TBC1D1: variants seen among roughly 807,000 people sequenced by gnomAD.
TBC1D1 encodes the protein TBC1 (tre-2/USP6, BUB2, cdc16) domain family, member 1.
A neutral mutation model predicts 125.6 loss-of-function variants in TBC1D1; 89 were observed. That is an observed-to-expected ratio of 0.71 (90% CI 0.60 to 0.85). TBC1D1 has a LOEUF of 0.85. Among genes scored for constraint, TBC1D1 ranks in the 40% least tolerant of loss-of-function variants. TBC1D1 has a pLI of 0.00. For missense variants in TBC1D1, 1,377 were observed against 1,469.2 expected (o/e 0.94, Z 1.03); for synonymous variants, 565 against 564.1 (o/e 1.00, Z -0.02).
chr4:37,926,001 A>G (rs948226946), intron 2 of TBC1D1, among the ~76,000 whole-genome samples: 6 of 152,206 alleles, frequency 3.9e-5, no homozygotes, highest in African/African-American at 1.4e-4. Flanking sequence ...TTTGAAGGAC[A>G]TTTATCCTAC....
chr4:37,933,021 C>T (rs759770841), intron 2 of TBC1D1, among the ~76,000 whole-genome samples: 3 of 150,888 alleles, frequency 2.0e-5, no homozygotes, highest in Non-Finnish European at 4.4e-5. Flanking sequence ...TGTGCCACTC[C>T]AGCCTGGGTG....
chr4:38,000,694 T>G (rs1738871346), intron 2 of TBC1D1, among the ~76,000 whole-genome samples: 1 of 152,190 alleles, frequency 6.6e-6, no homozygotes, highest in Admixed American at 6.5e-5. Context: ...AGTTCTCTGA[T>G]TCTCTGGTCA....
chr4:38,001,076 C>T (rs1738962690), intron 2 of TBC1D1, among the ~76,000 whole-genome samples: 2 of 151,956 alleles, frequency 1.3e-5, no homozygotes, highest in Admixed American at 6.6e-5. Flanking sequence ...AAAAGTTAGC[C>T]GGGCATGGTG....
At chr4:38,035,360 C>G (rs528189202) in intron 7 of TBC1D1, among the ~76,000 whole-genome samples, 2 of 152,274 alleles carry the variant, frequency 1.3e-5, no homozygotes, top group East Asian at 3.9e-4. Context: ...ATTAAAGATT[C>G]ATTTTTAGAT....
intron 2 of TBC1D1, among the ~76,000 whole-genome samples, chr4:37,919,348 T>G (rs1361402884): frequency 2.6e-5 from 4 of 151,338 alleles, no homozygotes; most frequent in Admixed American, 6.6e-5. Context: ...TTGTTTTTTT[T>G]TTTTTTTGGT....
At position 37,902,510 on chromosome 4, in the gene TBC1D1, AAAGT is replaced by A. The variant is rs748346646; in HGVS notation, c.417+3_417+6del. On this transcript the variant is annotated splice_donor_variant and coding_sequence_variant, in exon 2 of 20. Transcript: ENST00000261439. LOFTEE classifies it high-confidence loss of function. ...TGTGTTCAAAGCCGATGATCAAACA[AAAGT>A]AAGTGAGATGGAGATCCAAAAGACT... The A allele has an allele frequency of 2.5e-6, 4 of 1,588,278 alleles. 1 individual carries two copies. The highest frequency in any genetic ancestry group is 2.3e-5 in the South Asian group (2 of 87,624).
chr4:38,090,439 C>CTG (rs745565259), intron 13 of TBC1D1, among the ~76,000 whole-genome samples: 1 of 151,166 alleles, frequency 6.6e-6, no homozygotes, highest in Non-Finnish European at 1.5e-5. Flanking sequence ...TCCCCTCTGT[C>CTG]TCTCTCTCTC....
intron 17 of TBC1D1, among the ~76,000 whole-genome samples, chr4:38,124,477 A>T (rs637797): frequency 0.7 from 106,285 of 152,182 alleles, 37,273 homozygotes; most frequent in East Asian, 0.75. Flanking sequence ...TATTTAACAA[A>T]GTACTTCTGC....
intron 2 of TBC1D1, among the ~76,000 whole-genome samples, chr4:38,005,117 C>G (rs55914145): frequency 6.6e-6 from 1 of 152,158 alleles, no homozygotes; most frequent in African/African-American, 2.4e-5. Flanking sequence ...TTCTGTTGAG[C>G]CTAACAACAC....
intron 2 of TBC1D1, among the ~76,000 whole-genome samples, chr4:37,984,673 A>C (rs573800411): frequency 6.6e-6 from 1 of 151,836 alleles, no homozygotes; most frequent in South Asian, 2.1e-4. Context: ...GCAAAACCCT[A>C]TCTCTAGAAA....
intron 2 of TBC1D1, among the ~76,000 whole-genome samples, chr4:37,903,279 A>G (rs539717472): frequency 6.6e-6 from 1 of 152,314 alleles, no homozygotes; most frequent in South Asian, 2.1e-4. Flanking sequence ...TGTTATTAGC[A>G]TTCGTTGTAG....
chr4:38,039,104 C>CTTTTTTT lies in TBC1D1; in HGVS notation c.1413+3431_1413+3437dup, dbSNP rs776941680. Reference sequence around the variant, plus strand: ...AATTTCTTATAAATGGCATCATACTCTTTTTTTTTTTTTTTTTTTTTTTTT... The same window carrying CTTTTTTT: ...AATTTCTTATAAATGGCATCATACTCTTTTTTTTTTTTTTTTTTTTTTTTTTTTTTTT... On this transcript the variant is annotated intron_variant, in intron 8 of 19. Coordinates refer to ENST00000261439, the MANE Select transcript of TBC1D1 (RefSeq NM_015173.4). 6.5e-3 allele frequency among the ~76,000 whole-genome samples: 335 copies of CTTTTTTT among 51,584 alleles called. 106 individuals carry two copies. The highest frequency in any genetic ancestry group is 0.036 in the East Asian group (48 of 1,350). 33.8% of individuals were successfully genotyped at this position (51,584 alleles called of 152,430 possible). A position where few individuals can be genotyped will look rare whatever the true frequency, so the allele number is the denominator to read the frequency against.
At chr4:38,105,085 C>G (rs371736760) in intron 15 of TBC1D1, among the ~76,000 whole-genome samples, 2 of 152,236 alleles carry the variant, frequency 1.3e-5, no homozygotes. Flanking sequence ...GCTTGAACAT[C>G]ATCTCTGAGA....
chr4:38,010,457 ATGTC>A (rs1378095759), intron 2 of TBC1D1, among the ~76,000 whole-genome samples: 1 of 152,132 alleles, frequency 6.6e-6, no homozygotes, highest in Non-Finnish European at 1.5e-5. Flanking sequence ...TGAGCTGCTC[ATGTC>A]CAGCTTAGAC....
chr4:37,932,234 G>T (rs1048703977), intron 2 of TBC1D1, among the ~76,000 whole-genome samples: 3 of 152,164 alleles, frequency 2.0e-5, no homozygotes, highest in Admixed American at 1.3e-4. Context: ...CTCTAAAACT[G>T]ATTCCTTTCA....
chr4:38,084,369 A>T (rs1578616574), intron 12 of TBC1D1, among the ~76,000 whole-genome samples: 1 of 152,254 alleles, frequency 6.6e-6, no homozygotes, highest in African/African-American at 2.4e-5. Flanking sequence ...TTGAGAGTGG[A>T]CTTGGGCAAA....
At chr4:38,077,649 G>A (rs991274709) in intron 12 of TBC1D1, among the ~76,000 whole-genome samples, 6 of 60,814 alleles carry the variant, frequency 9.9e-5, no homozygotes, top group Admixed American at 4.9e-4. Context: ...TTTTTTTTTT[G>A]CCTTCAATGA....
chr4:38,020,913 G>T, intron 5 of TBC1D1: 1 of 388,194 alleles, frequency 2.6e-6, no homozygotes, highest in Non-Finnish European at 4.8e-6. Context: ...CTTGTTTAGT[G>T]TCACCTTCTG....
chr4:38,086,907 G>A (rs1037728640), intron 12 of TBC1D1, among the ~76,000 whole-genome samples: 9 of 152,130 alleles, frequency 5.9e-5, no homozygotes, highest in Non-Finnish European at 1.0e-4. Flanking sequence ...AGAGAAGCAC[G>A]GGGTAAACTC....
Sources: allele counts gnomAD v4.1 joint callset (sites outside exome capture counted in the v4.1 genomes callset), GRCh38; gene constraint gnomAD v4.1.1; transcripts MANE v1.5; gene names NCBI Gene and HGNC (gene_info 2026-07-23, HGNC 2026-07-21).